CPNE1: variants seen among roughly 807,000 people sequenced by gnomAD.
The protein encoded by CPNE1 is copine 1, also known as copine-1.
Under a neutral mutation model 63.2 loss-of-function variants are expected in CPNE1, and 58 were observed. That is an observed-to-expected ratio of 0.92 (90% CI 0.74 to 1.14). The LOEUF (loss-of-function observed/expected upper bound fraction) is 1.14. Among genes scored for constraint, CPNE1 ranks in the 50% most tolerant of loss-of-function variants. The pLI, the probability that CPNE1 is intolerant of heterozygous loss-of-function variation, is 0.00. For synonymous variants in CPNE1, 237 were observed against 249.0 expected (o/e 0.95, Z 0.45); for missense variants, 672 against 661.7 (o/e 1.02, Z -0.17).
Position 35,631,290 on chromosome 20 carries a change from G to C in CPNE1, c.779C>G (p.Thr260Ser). ...CACCCGACAAATCTTGACACGGATA[G>C]TTCCAGAGTTCTTGTAGCTTTTCTT... ...QKKKSYKNSG[T>S]IRVKICRVET... is the part of the protein sequence containing the mutation. Residue 260 changes from threonine (T) to serine (S), a missense_variant, in exon 9 of 16, where the codon ACT becomes AGT. Thr to Ser is a moderately conservative substitution (Grantham distance 58, BLOSUM62 1). Coordinates refer to ENST00000397443, the MANE Select transcript of CPNE1 (RefSeq NM_152925.3). 1.2e-6 allele frequency: 2 copies of C among 1,614,212 alleles called. No individual in the cohort carries two copies. The highest frequency in any genetic ancestry group is 1.7e-6 in the Non-Finnish European group (2 of 1,180,026).
intron 1 of CPNE1, among the ~76,000 whole-genome samples, chr20:35,663,559 A>C (rs762315841): frequency 6.6e-6 from 1 of 152,236 alleles, no homozygotes; most frequent in Admixed American, 6.5e-5. Context: ...AACTTCTTCA[A>C]TTTATATTAG....
chr20:35,653,710 T>A, intron 1 of CPNE1: 1 of 1,614,178 alleles, frequency 6.2e-7, no homozygotes, highest in Non-Finnish European at 8.5e-7. Flanking sequence ...AGAGTTGACA[T>A]CCCCCTCTGG....
chr20:35,632,320 C>G lies in CPNE1; in HGVS notation c.375G>C (p.Gly125=). The change falls in exon 4 of 16, where the codon GGG becomes GGC. Residue 125 remains glycine (G), a synonymous_variant. Coordinates refer to ENST00000397443, the MANE Select transcript of CPNE1 (RefSeq NM_152925.3). ...TTGCTGGGTTCCTTACCGTGATGGTCCCCCGCCCAGCAGGTTTTCCAGGCT... is the reference window on the plus strand; with the variant it reads ...TTGCTGGGTTCCTTACCGTGATGGTGCCCCGCCCAGCAGGTTTTCCAGGCT... ...MLKPGKPAGR[G]TITVSAQELK... The G allele has an allele frequency of 6.2e-7, 1 of 1,614,000 alleles. No homozygotes were observed. The highest frequency in any genetic ancestry group is 8.5e-7 in the Non-Finnish European group (1 of 1,179,908).
chr20:35,658,004 C>T (rs555678032), intron 1 of CPNE1, among the ~76,000 whole-genome samples: 1 of 152,062 alleles, frequency 6.6e-6, no homozygotes, highest in Non-Finnish European at 1.5e-5. Context: ...AGAGATCACG[C>T]CACTGCACTC....
chr20:35,649,728 T>C (rs1263804236), intron 1 of CPNE1: 2 of 152,028 alleles, frequency 1.3e-5, no homozygotes, highest in African/African-American at 4.8e-5. Flanking sequence ...ATTTCTCTAA[T>C]CCTTTAAATC....
chr20:35,630,478 A>G lies in CPNE1; in HGVS notation c.1063T>C (p.Phe355Leu), dbSNP rs2032049411. 6.2e-7 allele frequency: 1 copy of G among 1,614,118 alleles called. No homozygotes were observed. The highest frequency in any genetic ancestry group is 2.2e-5 in the East Asian group (1 of 44,886). ...VPPDWQVSHE[F>L]ALNFNPSNPY... ...TTACTGGGGTTGAAATTCAAGGCAA[A>G]TTCATGCGAGACCTGGAGACAAGAA... The change falls in exon 13 of 16, where the codon TTT (phenylalanine) becomes CTT (leucine). Residue 355 changes from phenylalanine to leucine, a missense_variant. Physicochemically the swap from Phe to Leu is conservative, Grantham distance 22. Transcript: ENST00000397443.
chr20:35,641,424 T>C (rs1237351569), intron 1 of CPNE1, among the ~76,000 whole-genome samples: 3 of 152,190 alleles, frequency 2.0e-5, no homozygotes, highest in Non-Finnish European at 4.4e-5. Flanking sequence ...AGGCTCCAAA[T>C]ACTGGCCTTA....
chr20:35,649,836 C>A lies in CPNE1; in HGVS notation c.-1+14924G>T, dbSNP rs954046416. 34 of 151,842 alleles carry A rather than the reference C, an allele frequency of 2.2e-4. 1 individual carries two copies. Among genetic ancestry groups the A allele is most frequent in the Non-Finnish European group, 3.4e-4 (23 of 67,942 alleles). 9.4% of individuals were successfully genotyped at this position (151,842 alleles called of 1,614,324 possible). A position where few individuals can be genotyped will look rare whatever the true frequency, so the allele number is the denominator to read the frequency against. ...TTCTCTTCCATTAATGTCAGAGTCA[C>A]CAAAAACAGACAATAAAATTTACAC... On this transcript the variant is annotated intron_variant, in intron 1 of 15. Transcript: ENST00000397443.
chr20:35,661,219 A>G (rs757588300), intron 1 of CPNE1, among the ~76,000 whole-genome samples: 1 of 152,242 alleles, frequency 6.6e-6, no homozygotes, highest in African/African-American at 2.4e-5. Context: ...GTAAATGGAA[A>G]TAGAACTGAA....
At chr20:35,634,127 G>A (rs1323795111) in intron 1 of CPNE1, among the ~76,000 whole-genome samples, 2 of 151,156 alleles carry the variant, frequency 1.3e-5, no homozygotes, top group East Asian at 3.9e-4. Context: ...CAGGTGTGGT[G>A]GCGGGCGCCT....
rs1463576023 is a variant in CPNE1, at chr20:35,632,168, T to C, written c.451A>G (p.Lys151Glu). 1.9e-6 allele frequency: 3 copies of C among 1,614,032 alleles called. No homozygotes were observed. Among genetic ancestry groups the C allele is most frequent in the East Asian group, 2.2e-5 (1 of 44,886 alleles). ...TMEVEARNLD[K>E]KDFLGKSDPF... ...GGGCCTACTTCCAGACACACCTTCTTATCTAGGTTTCTGGCCTCTACCTCC... is the reference window on the plus strand; with the variant it reads ...GGGCCTACTTCCAGACACACCTTCTCATCTAGGTTTCTGGCCTCTACCTCC... Residue 151 changes from lysine to glutamate, a missense_variant, in exon 5 of 16, where the codon AAG (lysine) becomes GAG (glutamate). By Grantham distance (56) the Lys-to-Glu change is moderately conservative. Transcript: ENST00000397443.
chr20:35,655,448 C>T (rs1413566726), intron 1 of CPNE1: 2 of 935,936 alleles, frequency 2.1e-6, no homozygotes, highest in Non-Finnish European at 3.1e-6. Context: ...CAAATATTCC[C>T]TCAAGCTATC....
At chr20:35,649,638 A>G (rs550954231) in intron 1 of CPNE1, 6 of 152,744 alleles carry the variant, frequency 3.9e-5, no homozygotes, top group African/African-American at 1.4e-4. Flanking sequence ...ACACACCTCC[A>G]AATTATGCTT....
chr20:35,635,732 C>T (rs1300068247), intron 1 of CPNE1, among the ~76,000 whole-genome samples: 1 of 152,176 alleles, frequency 6.6e-6, no homozygotes, highest in Non-Finnish European at 1.5e-5. Context: ...CCCTGAGATG[C>T]CTCCAGCGTC....
intron 1 of CPNE1, chr20:35,651,449 G>A (rs996644480): frequency 2.0e-5 from 3 of 152,162 alleles, no homozygotes; most frequent in Non-Finnish European, 2.9e-5. Context: ...GGACTAACAC[G>A]TATCAATCTA....
intron 1 of CPNE1, chr20:35,655,116 T>C (rs570849000): frequency 1.2e-6 from 2 of 1,614,092 alleles, no homozygotes; most frequent in Non-Finnish European, 1.7e-6. Context: ...ACAATAGTGT[T>C]ACTTTTGACC....
At chr20:35,632,059 GAA>G in intron 5 of CPNE1, 34 bp from the exon 6 acceptor site, 1 of 1,601,860 alleles carries the variant, frequency 6.2e-7, no homozygotes, top group Non-Finnish European at 8.5e-7. Flanking sequence ...CAAGACTCAG[GAA>G]CAAACAACCA....
At chr20:35,647,304 G>T (rs938470476) in intron 1 of CPNE1, 3 of 101,546 alleles carry the variant, frequency 3.0e-5, no homozygotes, top group African/African-American at 1.2e-4. Context: ...ACAAGCGTGA[G>T]ACTTTGTCTC....
At chr20:35,635,462 G>A (rs1157929609) in intron 1 of CPNE1, among the ~76,000 whole-genome samples, 3 of 151,920 alleles carry the variant, frequency 2.0e-5, no homozygotes, top group Non-Finnish European at 2.9e-5. Flanking sequence ...CTGATGTCTC[G>A]CCCTTGTAAT....
Sources: gnomAD v4.1 joint callset for allele counts (sites outside exome capture counted in the v4.1 genomes callset) on GRCh38, gnomAD v4.1.1 for gene constraint, MANE v1.5 for transcripts, NCBI Gene and HGNC (gene_info 2026-07-23, HGNC 2026-07-21) for gene names.